The following ALK variants were observed in gnomAD, a reference collection of about 807,000 sequenced individuals.
The protein encoded by ALK is ALK receptor tyrosine kinase.
ALK carries 74 observed loss-of-function variants against 163.1 expected under a neutral mutation model. The ratio of observed to expected loss-of-function variants is 0.45; its 90% CI spans 0.38 to 0.55. ALK has a LOEUF of 0.55. ALK is among the 20% of genes least tolerant of loss of function. The pLI is 0.00. For synonymous variants in ALK, 960 were observed against 843.2 expected (o/e 1.14, Z -2.40); for missense variants, 2,063 against 2,105.3 (o/e 0.98, Z 0.39).
chr2:29,656,531 T>G (rs947389520), intron 3 of ALK, among the ~76,000 whole-genome samples: 3 of 152,196 alleles, frequency 2.0e-5, no homozygotes, highest in East Asian at 1.9e-4. Context: ...ATTCATTGAA[T>G]AGTTACAATG....
At chr2:29,330,421 C>G (rs541365517) in intron 5 of ALK, among the ~76,000 whole-genome samples, 3 of 152,326 alleles carry the variant, frequency 2.0e-5, no homozygotes, top group African/African-American at 7.2e-5. Context: ...GCTGCTGCTT[C>G]CATGCAACCT....
chr2:29,877,377 C>T (rs189903367), intron 1 of ALK, among the ~76,000 whole-genome samples: 8 of 152,244 alleles, frequency 5.3e-5, no homozygotes, highest in Admixed American at 4.6e-4. Flanking sequence ...TAAATGAGCA[C>T]CACTGTCCTA....
intron 1 of ALK, among the ~76,000 whole-genome samples, chr2:29,858,045 G>A (rs1666188416): frequency 1.1e-5 from 1 of 87,838 alleles, no homozygotes; most frequent in Non-Finnish European, 2.5e-5. Context: ...GCATTGGTGT[G>A]TATGTGTGTG....
intron 1 of ALK, among the ~76,000 whole-genome samples, chr2:29,821,557 C>G (rs1317674313): frequency 6.6e-6 from 1 of 152,140 alleles, no homozygotes; most frequent in African/African-American, 2.4e-5. Context: ...CCAAGACCAA[C>G]CCCCACAAAT....
intron 3 of ALK, among the ~76,000 whole-genome samples, chr2:29,569,895 C>T (rs1005164872): frequency 5.3e-5 from 8 of 152,292 alleles, no homozygotes; most frequent in Admixed American, 4.6e-4. Flanking sequence ...GCATTATAAG[C>T]TTGCTGATCA....
At chr2:29,447,007 G>T (rs1230081639) in intron 4 of ALK, among the ~76,000 whole-genome samples, 2 of 152,146 alleles carry the variant, frequency 1.3e-5, no homozygotes, top group African/African-American at 4.8e-5. Context: ...AAAACTGATG[G>T]TGCCAGGCAC....
chr2:29,846,980 C>A (rs774107281), intron 1 of ALK, among the ~76,000 whole-genome samples: 1 of 152,112 alleles, frequency 6.6e-6, no homozygotes, highest in Non-Finnish European at 1.5e-5. Context: ...TGTAAACACA[C>A]GTAAAAAGGA....
intron 1 of ALK, among the ~76,000 whole-genome samples, chr2:29,760,261 G>A (rs150696703): frequency 1.9e-3 from 286 of 152,224 alleles, no homozygotes; most frequent in African/African-American, 6.7e-3. Flanking sequence ...CCTATCTGTA[G>A]AGTCTGTTGG....
In ALK at chr2:29,222,520, C is replaced by T. The variant is rs2148169111; in HGVS notation, c.3447G>A (p.Val1149=). ...TCAAGAGTGAGCCACTTCTTACCTT[C>T]ACAGCCACTTGCAGGGGGCTTGGGT... ...PNDPSPLQVA[V]KTLPEVCSEQ... Residue 1149 remains valine, a synonymous_variant, in exon 21 of 29, where the codon GTG becomes GTA. Transcript: ENST00000389048. 6.2e-7 allele frequency: 1 copy of T among 1,614,156 alleles called. No individual in the cohort carries two copies. Among genetic ancestry groups the T allele is most frequent in the East Asian group, 2.2e-5 (1 of 44,878 alleles).
At chr2:29,749,556 G>C (rs1315542215) in intron 1 of ALK, among the ~76,000 whole-genome samples, 11 of 152,126 alleles carry the variant, frequency 7.2e-5, no homozygotes, top group Non-Finnish European at 1.6e-4. Context: ...GTCTCAGACA[G>C]GGAAGACCTC....
rs566411457 is a variant in ALK, at chr2:29,229,607, A to G, written c.2633-541T>C. Among the ~76,000 whole-genome samples, 207 of 152,272 alleles carry G rather than the reference A, an allele frequency of 1.4e-3. 1 individual carries two copies. The highest frequency in any genetic ancestry group is 2.4e-3 in the Non-Finnish European group (163 of 68,034). On this transcript the variant is annotated intron_variant, in intron 15 of 28. Transcript: ENST00000389048. ...GCTGTCTGTGAAACCCTGGGGAAGA[A>G]CGCCCCATTCTGAGCCTGTGTTTCC...
intron 3 of ALK, among the ~76,000 whole-genome samples, chr2:29,593,035 A>T (rs564239544): frequency 1.2e-4 from 18 of 152,366 alleles, no homozygotes; most frequent in African/African-American, 4.1e-4. Context: ...AAACTAGCAC[A>T]TGGCCTGAAG....
chr2:29,368,270 G>T (rs1668553952), intron 5 of ALK, among the ~76,000 whole-genome samples: 1 of 152,160 alleles, frequency 6.6e-6, no homozygotes, highest in Non-Finnish European at 1.5e-5. Flanking sequence ...AGAACCAAGG[G>T]CTGGGATGGT....
chr2:29,560,723 T>A (rs1465877150), intron 3 of ALK, among the ~76,000 whole-genome samples: 1 of 151,780 alleles, frequency 6.6e-6, no homozygotes, highest in Non-Finnish European at 1.5e-5. Flanking sequence ...AGGTGTACAC[T>A]ACCATGCCTG....
intron 1 of ALK, among the ~76,000 whole-genome samples, chr2:29,891,198 C>T (rs539218956): frequency 7.9e-5 from 12 of 152,310 alleles, no homozygotes; most frequent in Admixed American, 3.9e-4. Flanking sequence ...TTCCTCCATA[C>T]ACCTGTAACA....
At chr2:29,510,964 T>C (rs115530828) in intron 4 of ALK, among the ~76,000 whole-genome samples, 50 of 152,268 alleles carry the variant, frequency 3.3e-4, no homozygotes, top group Non-Finnish European at 6.3e-4. Context: ...CTCTGATCCT[T>C]TGCCTCTCTG....
chr2:29,799,595 G>A (rs1275229148), intron 1 of ALK, among the ~76,000 whole-genome samples: 1 of 152,138 alleles, frequency 6.6e-6, no homozygotes, highest in African/African-American at 2.4e-5. Flanking sequence ...TAAAGTGAAA[G>A]CATCACTTGA....
At chr2:29,240,601 C>T (rs1253060467) in intron 12 of ALK, among the ~76,000 whole-genome samples, 3 of 152,136 alleles carry the variant, frequency 2.0e-5, no homozygotes, top group Admixed American at 2.0e-4. Context: ...CTGGTAACTC[C>T]TCCTGGAGAA....
At chr2:29,863,766 T>C (rs920398422) in intron 1 of ALK, among the ~76,000 whole-genome samples, 3 of 152,162 alleles carry the variant, frequency 2.0e-5, no homozygotes, top group African/African-American at 7.2e-5. Flanking sequence ...CCAGCAATCC[T>C]ACTACTGGGC....
Sources: gnomAD v4.1 joint callset for allele counts (sites outside exome capture counted in the v4.1 genomes callset) on GRCh38, gnomAD v4.1.1 for gene constraint, MANE v1.5 for transcripts, NCBI Gene and HGNC (gene_info 2026-07-23, HGNC 2026-07-21) for gene names.